The following GRIN2A variants were observed in gnomAD, a reference collection of about 807,000 sequenced individuals.
GRIN2A encodes glutamate ionotropic receptor NMDA type subunit 2A.
A neutral mutation model predicts 113.4 loss-of-function variants in GRIN2A; 22 were observed. That is an observed-to-expected ratio of 0.19 (90% CI 0.14 to 0.28). The LOEUF is 0.28. Ranked by LOEUF, GRIN2A falls within the 10% of genes least tolerant of loss-of-function variation. The pLI is 1.00. For missense variants in GRIN2A, 1,502 were observed against 1,887.0 expected (o/e 0.80, Z 3.78); for synonymous variants, 827 against 738.4 (o/e 1.12, Z -1.94).
At chr16:9,790,498 T>C (rs1181696305) in intron 11 of GRIN2A, among the ~76,000 whole-genome samples, 1 of 152,236 alleles carries the variant, frequency 6.6e-6, no homozygotes, top group Non-Finnish European at 1.5e-5. Context: ...TTGCACATAT[T>C]AAATATGTGC....
rs2141150087 is a variant in GRIN2A at position 9,768,919 on chromosome 16, A to T, written c.2527T>A (p.Trp843Arg). 1 of 1,614,234 alleles carries T rather than the reference A, an allele frequency of 6.2e-7. No individual in the cohort carries two copies. The highest frequency in any genetic ancestry group is 1.6e-4 in the Middle Eastern group (1 of 6,062). The change falls in exon 12 of 13, where the codon TGG becomes AGG. Residue 843 changes from tryptophan to arginine, a missense_variant. Around this residue, in one of 7 missense-constraint regions of GRIN2A, gnomAD observed 101 missense variants for 240.4 expected, o/e 0.42. Coordinates refer to ENST00000330684, the MANE Select transcript of GRIN2A (RefSeq NM_001134407.3). Reference protein sequence around the residue: ...ITFIWEHLFYWKLRFCFTGVC... With the variant: ...ITFIWEHLFYRKLRFCFTGVC... Reference sequence around the variant, plus strand: ...CCCGTGAAACAGAAGCGCAGCTTCCAGTAGAAGAGGTGCTCCCAGATGAAG... The same window carrying T: ...CCCGTGAAACAGAAGCGCAGCTTCCTGTAGAAGAGGTGCTCCCAGATGAAG...
At chr16:10,096,761 T>C (rs1004105316) in intron 2 of GRIN2A, among the ~76,000 whole-genome samples, 10 of 151,896 alleles carry the variant, frequency 6.6e-5, no homozygotes, top group Non-Finnish European at 1.3e-4. Context: ...CATACCCCAT[T>C]CTCCTTGTAC....
At chr16:9,990,993 G>A (rs1282697860) in intron 2 of GRIN2A, among the ~76,000 whole-genome samples, 1 of 152,074 alleles carries the variant, frequency 6.6e-6, no homozygotes, top group Non-Finnish European at 1.5e-5. Flanking sequence ...CTTGAGCCTG[G>A]GAGGCAGAGG....
At chr16:10,087,851 TAA>T (rs1464981512) in intron 2 of GRIN2A, among the ~76,000 whole-genome samples, 13 of 88,124 alleles carry the variant, frequency 1.5e-4, no homozygotes, top group Non-Finnish European at 2.7e-4. Flanking sequence ...CATGCCCAGC[TAA>T]TTTTTTTTTT....
chr16:10,086,966 G>C (rs948167236), intron 2 of GRIN2A, among the ~76,000 whole-genome samples: 5 of 152,352 alleles, frequency 3.3e-5, no homozygotes, highest in African/African-American at 9.6e-5. Context: ...TCTTGAGCAT[G>C]AATGAAGTTT....
At chr16:9,849,721 G>T in intron 5 of GRIN2A, 35 bp downstream of exon 5, 2 of 1,489,286 alleles carry the variant, frequency 1.3e-6, no homozygotes, top group Non-Finnish European at 1.9e-6. Context: ...TCAAAGGGTT[G>T]GGCACGTTCA....
intron 2 of GRIN2A, among the ~76,000 whole-genome samples, chr16:10,079,922 G>C (rs1374636331): frequency 6.6e-6 from 1 of 152,220 alleles, no homozygotes; most frequent in Admixed American, 6.5e-5. Flanking sequence ...TGCAATTCCT[G>C]TATGAAGAAT....
chr16:9,941,736 T>C (rs185136268), intron 2 of GRIN2A, among the ~76,000 whole-genome samples: 1 of 152,098 alleles, frequency 6.6e-6, no homozygotes, highest in African/African-American at 2.4e-5. Flanking sequence ...GGTGTGGCTA[T>C]GGTAATAATG....
At chr16:9,885,075 C>A (rs543135786) in intron 4 of GRIN2A, among the ~76,000 whole-genome samples, 1 of 151,996 alleles carries the variant, frequency 6.6e-6, no homozygotes, top group South Asian at 2.1e-4. Context: ...CCCTTCTCTC[C>A]GCCTATGTAG....
At chr16:9,937,452 A>G (rs932069438) in intron 3 of GRIN2A, among the ~76,000 whole-genome samples, 1 of 152,196 alleles carries the variant, frequency 6.6e-6, no homozygotes, top group Middle Eastern at 3.2e-3. Flanking sequence ...CGCCTGTGTC[A>G]AAACATCTCA....
intron 3 of GRIN2A, among the ~76,000 whole-genome samples, chr16:9,900,844 C>T (rs980296599): frequency 2.6e-5 from 4 of 152,174 alleles, no homozygotes; most frequent in Non-Finnish European, 2.9e-5. Context: ...CCAGTGGAAC[C>T]AGCTCACATA....
chr16:10,159,729 T>C (rs1473273463), intron 2 of GRIN2A, among the ~76,000 whole-genome samples: 1 of 152,194 alleles, frequency 6.6e-6, no homozygotes, highest in Non-Finnish European at 1.5e-5. Flanking sequence ...TATTATTTTA[T>C]AGATAGCTAA....
At chr16:10,065,841 C>T (rs559330866) in intron 2 of GRIN2A, among the ~76,000 whole-genome samples, 1 of 152,136 alleles carries the variant, frequency 6.6e-6, no homozygotes, top group Non-Finnish European at 1.5e-5. Flanking sequence ...ATTGGACAAA[C>T]ATTGGGAGGG....
intron 10 of GRIN2A, among the ~76,000 whole-genome samples, chr16:9,809,226 C>T (rs2042039078): frequency 6.6e-6 from 1 of 152,090 alleles, no homozygotes; most frequent in African/African-American, 2.4e-5. Flanking sequence ...TTGAGATCAG[C>T]CTGGGCAACA....
At chr16:10,048,349 G>A (rs755762108) in intron 2 of GRIN2A, among the ~76,000 whole-genome samples, 2 of 152,176 alleles carry the variant, frequency 1.3e-5, no homozygotes, top group Non-Finnish European at 2.9e-5. Context: ...GGCAGCCAGA[G>A]TCAAGTTTCT....
intron 3 of GRIN2A, among the ~76,000 whole-genome samples, chr16:9,898,881 A>C (rs1296806741): frequency 3.4e-5 from 5 of 145,230 alleles, no homozygotes; most frequent in Non-Finnish European, 7.4e-5. Context: ...GTGCTTTCTC[A>C]TCTTCCATTA....
intron 2 of GRIN2A, among the ~76,000 whole-genome samples, chr16:10,126,371 T>G (rs1567317540): frequency 1.3e-5 from 2 of 152,052 alleles, no homozygotes; most frequent in Non-Finnish European, 2.9e-5. Context: ...CTCGCTATGT[T>G]ACCCAGACTG....
chr16:10,099,276 G>A (rs2048350450), intron 2 of GRIN2A, among the ~76,000 whole-genome samples: 1 of 152,104 alleles, frequency 6.6e-6, no homozygotes, highest in African/African-American at 2.4e-5. Flanking sequence ...AAAGCTTGGT[G>A]TTTTCATTCC....
chr16:9,853,277 G>A (rs375184130), intron 4 of GRIN2A, among the ~76,000 whole-genome samples: 55 of 152,194 alleles, frequency 3.6e-4, no homozygotes, highest in African/African-American at 6.5e-4. Flanking sequence ...GAATATTTGC[G>A]TCCCTCCAAA....
Sources: allele counts gnomAD v4.1 joint callset (sites outside exome capture counted in the v4.1 genomes callset), GRCh38; gene constraint gnomAD v4.1.1; regional missense constraint gnomAD v4.1.1; transcripts MANE v1.5; gene names NCBI Gene and HGNC (gene_info 2026-07-23, HGNC 2026-07-21).